Variants in ERBB4 observed in about 807,000 individuals in gnomAD.
ERBB4 encodes receptor tyrosine-protein kinase erbB-4.
In ERBB4, 42 loss-of-function variants were observed where a neutral mutation model predicts 158.0. That is an observed-to-expected ratio of 0.27 (90% CI 0.21 to 0.34). ERBB4 has a LOEUF of 0.34. Among genes scored for constraint, ERBB4 ranks in the 10% least tolerant of loss-of-function variants. The pLI is 1.00. For missense variants in ERBB4, 1,333 were observed against 1,624.1 expected, an observed-to-expected ratio of 0.82 and a Z score of 3.08; for synonymous variants, 583 against 558.7, an observed-to-expected ratio of 1.04 and a Z score of -0.61.
At chr2:212,389,933 A>G (rs1024179053) in intron 1 of ERBB4, among the ~76,000 whole-genome samples, 1 of 151,840 alleles carries the variant, frequency 6.6e-6, no homozygotes, top group Non-Finnish European at 1.5e-5. Context: ...GTCTTATTAA[A>G]AAAAAAAACT....
intron 17 of ERBB4, among the ~76,000 whole-genome samples, chr2:211,629,326 A>T (rs1255414151): frequency 2.6e-5 from 4 of 152,092 alleles, no homozygotes; most frequent in Admixed American, 1.3e-4. Context: ...ATACCTAGGA[A>T]TCCAACTTAC....
chr2:211,511,244 A>G (rs904505441), intron 20 of ERBB4, among the ~76,000 whole-genome samples: 2 of 152,062 alleles, frequency 1.3e-5, no homozygotes, highest in African/African-American at 4.8e-5. Context: ...TATATATTCA[A>G]TATTATCTAG....
intron 1 of ERBB4, among the ~76,000 whole-genome samples, chr2:212,309,615 A>G (rs1052871540): frequency 2.0e-5 from 3 of 150,770 alleles, no homozygotes; most frequent in Non-Finnish European, 3.0e-5. Context: ...TACTCTTTAA[A>G]TAGTAATTTT....
rs561281737 is a variant in ERBB4 at position 211,540,972 on chromosome 2, T to G, written c.2487+20931A>C. 2.0e-5 allele frequency among the ~76,000 whole-genome samples: 3 copies of G among 152,068 alleles called. No homozygotes were observed. The South Asian group carries it at 6.2e-4, about 32-fold the overall frequency. ...AGTTTCTAAGAATCTTTTGATGATG[T>G]TAAGTGAGGGCTGACTGTAGCCATA... On this transcript the variant is annotated intron_variant, in intron 20 of 27. Coordinates refer to ENST00000342788, the MANE Select transcript of ERBB4 (RefSeq NM_005235.3).
At chr2:211,524,332 G>C (rs1007403586) in intron 20 of ERBB4, among the ~76,000 whole-genome samples, 1 of 152,072 alleles carries the variant, frequency 6.6e-6, no homozygotes, top group East Asian at 1.9e-4. Context: ...GATCCCTCAC[G>C]GGGGCTGCAG....
intron 16 of ERBB4, among the ~76,000 whole-genome samples, chr2:211,646,343 AC>A (rs1234182100): frequency 1.3e-5 from 2 of 151,582 alleles, no homozygotes; most frequent in Non-Finnish European, 3.0e-5. Flanking sequence ...AAAGAAAAAT[AC>A]CTAAAATATG....
chr2:211,635,101 AT>A (rs2070309004), intron 16 of ERBB4, among the ~76,000 whole-genome samples: 1 of 152,120 alleles, frequency 6.6e-6, no homozygotes, highest in Non-Finnish European at 1.5e-5. Context: ...GAGTATTGCA[AT>A]TTTTTTGTCT....
intron 3 of ERBB4, among the ~76,000 whole-genome samples, chr2:211,905,738 GTGTGTGTATATATA>G (rs1277464655): frequency 1.8e-5 from 2 of 108,228 alleles, no homozygotes; most frequent in African/African-American, 7.6e-5. Context: ...GTGTGTGCAT[GTGTGTGTATATATA>G]TATATATATA....
chr2:211,740,783 T>C (rs906440537), intron 5 of ERBB4, among the ~76,000 whole-genome samples: 1 of 151,984 alleles, frequency 6.6e-6, no homozygotes, highest in African/African-American at 2.4e-5. Flanking sequence ...ACTAATTTTT[T>C]GTATTTTTAG....
chr2:212,469,787 T>C (rs1689022990), intron 1 of ERBB4, among the ~76,000 whole-genome samples: 1 of 152,144 alleles, frequency 6.6e-6, no homozygotes, highest in South Asian at 2.1e-4. Flanking sequence ...CATGCATACT[T>C]AATCTTTTTT....
chr2:211,486,263 GC>G (rs2065202781), intron 20 of ERBB4, among the ~76,000 whole-genome samples: 1 of 151,866 alleles, frequency 6.6e-6, no homozygotes, highest in Admixed American at 6.6e-5. Context: ...GTTCCCAGGT[GC>G]AAAAAAGACA....
chr2:212,458,641 A>T (rs1688422301), intron 1 of ERBB4, among the ~76,000 whole-genome samples: 1 of 152,038 alleles, frequency 6.6e-6, no homozygotes, highest in East Asian at 1.9e-4. Flanking sequence ...AAAAAAAATC[A>T]TTCGAGCACA....
chr2:211,772,872 CAT>C (rs374729366), intron 4 of ERBB4, among the ~76,000 whole-genome samples: 10,998 of 63,214 alleles, frequency 0.17, 1,566 homozygotes, highest in Non-Finnish European at 0.25. Flanking sequence ...TATATATACA[CAT>C]ATATATATAT....
At chr2:211,774,260 C>T (rs372057856) in intron 4 of ERBB4, among the ~76,000 whole-genome samples, 6 of 151,966 alleles carry the variant, frequency 3.9e-5, no homozygotes, top group South Asian at 4.2e-4. Flanking sequence ...TTTGTAGAGA[C>T]GGGGTTTCAC....
chr2:211,721,862 T>C (rs763627550), intron 7 of ERBB4, among the ~76,000 whole-genome samples: 1 of 152,052 alleles, frequency 6.6e-6, no homozygotes, highest in Non-Finnish European at 1.5e-5. Context: ...AAGAGGTTTT[T>C]GTTTGTTTGT....
intron 1 of ERBB4, among the ~76,000 whole-genome samples, chr2:212,334,919 A>G (rs1324434318): frequency 2.0e-5 from 3 of 151,998 alleles, no homozygotes; most frequent in Non-Finnish European, 4.4e-5. Flanking sequence ...CTCATATTTC[A>G]TAAGTAAGCA....
intron 13 of ERBB4, among the ~76,000 whole-genome samples, chr2:211,675,224 C>CTAA (rs1553607732): frequency 6.6e-6 from 1 of 152,042 alleles, no homozygotes; most frequent in Non-Finnish European, 1.5e-5. Context: ...AGCTTTGTTC[C>CTAA]CTTGGTTTTG....
intron 3 of ERBB4, among the ~76,000 whole-genome samples, chr2:211,851,158 G>T (rs1010002276): frequency 1.3e-5 from 2 of 151,850 alleles, no homozygotes; most frequent in African/African-American, 4.8e-5. Context: ...TGAAAATGAT[G>T]TACAAAATTT....
chr2:211,587,224 C>T (rs559081550), intron 19 of ERBB4, among the ~76,000 whole-genome samples: 70 of 150,996 alleles, frequency 4.6e-4, no homozygotes, highest in African/African-American at 1.3e-3. Flanking sequence ...GGCGTGGTGG[C>T]GAGCACCTGT....
Sources: allele counts gnomAD v4.1 joint callset (sites outside exome capture counted in the v4.1 genomes callset), GRCh38; gene constraint gnomAD v4.1.1; transcripts MANE v1.5; gene names NCBI Gene and HGNC (gene_info 2026-07-23, HGNC 2026-07-21).